Variants in CCDC190 observed in about 807,000 individuals in gnomAD.
CCDC190 encodes coiled-coil domain-containing protein 190.
CCDC190 carries 10 observed loss-of-function variants against 13.1 expected under a neutral mutation model. The ratio of observed to expected loss-of-function variants is 0.77; its 90% CI spans 0.47 to 1.30. The LOEUF (loss-of-function observed/expected upper bound fraction) is 1.30, where lower values mean the gene tolerates loss of function less well. Among genes scored for constraint, CCDC190 ranks in the 50% most tolerant of loss-of-function variants. The probability of loss-of-function intolerance (pLI) is 0.00; values close to 1 mark genes in which losing one functional copy is unlikely to be tolerated. For synonymous variants in CCDC190, 136 were observed against 127.2 expected (o/e 1.07, Z -0.47); for missense variants, 375 against 354.3 (o/e 1.06, Z -0.47).
At chr1:162,865,009 G>A (rs1004917550), upstream of CCDC190, among the ~76,000 whole-genome samples, 10 of 151,878 alleles carry the variant, frequency 6.6e-5, no homozygotes, top group South Asian at 6.2e-4. Flanking sequence ...GAAATAAACC[G>A]AAAACACTTT....
intron 2 of CCDC190, among the ~76,000 whole-genome samples, chr1:162,858,023 T>G (rs1042751617): frequency 6.6e-6 from 1 of 152,224 alleles, no homozygotes; most frequent in Non-Finnish European, 1.5e-5. Context: ...CACTGGCATA[T>G]CATTGAATCT....
Position 162,854,402 on chromosome 1 carries a change from G to A in CCDC190, c.*363C>T, listed in dbSNP as rs1650211599. On this transcript the variant is annotated 3_prime_UTR_variant, in exon 4 of 4. Transcript: ENST00000367912. ...ATATCAAACTAAAACAGAGAGAATA[G>A]CTATGCCGTTTTGCCAGCAGGTGGC... The A allele has an allele frequency of 9.6e-7, 1 of 1,042,598 alleles. No homozygotes were observed. Among genetic ancestry groups the A allele is most frequent in the South Asian group, 3.7e-5 (1 of 27,074 alleles). 64.6% of individuals were successfully genotyped at this position (1,042,598 alleles called of 1,614,324 possible).
At chr1:162,855,384 T>G in intron 3 of CCDC190, 25 bp from the exon 4 acceptor site, 1 of 1,567,860 alleles carries the variant, frequency 6.4e-7, no homozygotes, top group Non-Finnish European at 8.6e-7. Context: ...AAAAGAAAGA[T>G]CTCTGAAAAC....
Position 162,851,080 on chromosome 1 carries a change from G to A in CCDC190, c.*3685C>T, listed in dbSNP as rs1221348827. Among the ~76,000 whole-genome samples, 6 of 152,062 alleles carry A rather than the reference G, an allele frequency of 3.9e-5. No individual in the cohort carries two copies. The highest frequency in any genetic ancestry group is 1.3e-4 in the Admixed American group (2 of 15,264). ...ATTTAACTGCATTTAGGTTATTATT[G>A]TTTATGGTTCTCATCCAGTTTAAAG... On this transcript the variant is annotated 3_prime_UTR_variant, in exon 4 of 4. Coordinates refer to ENST00000367912, the MANE Select transcript of CCDC190 (RefSeq NM_001394065.1).
rs1214441808 is a variant in CCDC190 at position 162,853,139 on chromosome 1, C to T, written c.*1626G>A. The T allele has an allele frequency of 6.5e-7, 1 of 1,549,036 alleles. No individual in the cohort carries two copies. Among genetic ancestry groups the T allele is most frequent in the African/African-American group, 1.4e-5 (1 of 73,082 alleles). ...TCCTTTCACTATAAAGTATTGTCTC[C>T]CCATTGAAGGCCAGAGGCTGGGCTG... On this transcript the variant is annotated 3_prime_UTR_variant, in exon 4 of 4. Transcript: ENST00000367912.
At chr1:162,865,709 G>A (rs1329637941), upstream of CCDC190, among the ~76,000 whole-genome samples, 1 of 152,042 alleles carries the variant, frequency 6.6e-6, no homozygotes, top group Non-Finnish European at 1.5e-5. Context: ...ATCATTTCAC[G>A]AGATCCAATA....
chr1:162,854,639 G>A lies in CCDC190; in HGVS notation c.*126C>T. ...TTATATTCCCGGAAAATAATAGGGA[G>A]TTTAAAATAAAATTGTAATTCAATT... On this transcript the variant is annotated 3_prime_UTR_variant, in exon 4 of 4. Coordinates refer to ENST00000367912, the MANE Select transcript of CCDC190 (RefSeq NM_001394065.1). The A allele has an allele frequency of 2.1e-6, 3 of 1,416,088 alleles. No individual in the cohort carries two copies. Among genetic ancestry groups the A allele is most frequent in the Middle Eastern group, 2.2e-4 (1 of 4,480 alleles). 87.7% of individuals were successfully genotyped at this position (1,416,088 alleles called of 1,614,324 possible).
At chr1:162,855,384 T>C in intron 3 of CCDC190, 25 bp from the exon 4 acceptor site, 1 of 1,567,860 alleles carries the variant, frequency 6.4e-7, no homozygotes, top group Non-Finnish European at 8.6e-7. Flanking sequence ...AAAAGAAAGA[T>C]CTCTGAAAAC....
At position 162,853,250 on chromosome 1, in the gene CCDC190, A is replaced by G; in HGVS notation, c.*1515T>C. On this transcript the variant is annotated 3_prime_UTR_variant, in exon 4 of 4. Coordinates refer to ENST00000367912, the MANE Select transcript of CCDC190 (RefSeq NM_001394065.1). ...TGTAATGAAAGAGCATGAGCAAGGA[A>G]ATTGAGTAGAAGAGAGATCAAATGC... 9.9e-7 allele frequency: 1 copy of G among 1,011,340 alleles called. No individual in the cohort carries two copies. Among genetic ancestry groups the G allele is most frequent in the Non-Finnish European group, 1.4e-6 (1 of 705,964 alleles). 62.6% of individuals were successfully genotyped at this position (1,011,340 alleles called of 1,614,324 possible). A position where few individuals can be genotyped will look rare whatever the true frequency, so the allele number is the denominator to read the frequency against.
Position 162,854,997 on chromosome 1 carries a change from A to G in CCDC190, c.674T>C (p.Ile225Thr), listed in dbSNP as rs374822482. ...LKPDGNTGKQ[I>T]PPKHMECAGS... ...TGCACATTCCATGTGTTTTGGGGGA[A>G]TTTGTTTTCCAGTGTTCCCATCTGG... The change falls in exon 4 of 4, where the codon ATT becomes ACT. Residue 225 changes from isoleucine (I) to threonine (T), a missense_variant. Ile to Thr is a moderately conservative substitution (Grantham distance 89). Transcript: ENST00000367912. The G allele has an allele frequency of 6.2e-7, 1 of 1,613,964 alleles. No individual in the cohort carries two copies. The highest frequency in any genetic ancestry group is 8.5e-7 in the Non-Finnish European group (1 of 1,179,872).
At chr1:162,856,906 A>AT (rs1232086423) in intron 2 of CCDC190, among the ~76,000 whole-genome samples, 1 of 152,020 alleles carries the variant, frequency 6.6e-6, no homozygotes, top group Non-Finnish European at 1.5e-5. Context: ...AAATTGAGGG[A>AT]TTTTGAGCTA....
chr1:162,865,854 C>T (rs1384196449), upstream of CCDC190, among the ~76,000 whole-genome samples: 1 of 152,112 alleles, frequency 6.6e-6, no homozygotes, highest in Non-Finnish European at 1.5e-5. Context: ...GATATTTGCT[C>T]TTACCACTTC....
upstream of CCDC190, among the ~76,000 whole-genome samples, chr1:162,865,540 G>C (rs1650669844): frequency 6.6e-6 from 1 of 152,070 alleles, no homozygotes; most frequent in Non-Finnish European, 1.5e-5. Flanking sequence ...AGTGTATTCT[G>C]TTTCGTGTCG....
chr1:162,855,420 T>G, intron 3 of CCDC190, 61 bp from the exon 4 acceptor site: 1 of 1,519,772 alleles, frequency 6.6e-7, no homozygotes, highest in Non-Finnish European at 8.8e-7. Context: ...TCTTTAGACC[T>G]TTCAACTTAT....
rs772401179 is a variant in CCDC190, at chr1:162,855,018, T to C, written c.653A>G (p.Asp218Gly). 2.8e-5 allele frequency: 46 copies of C among 1,614,058 alleles called. No individual in the cohort carries two copies. The highest frequency in any genetic ancestry group is 1.1e-4 in the South Asian group (10 of 91,088). The change falls in exon 4 of 4, where the codon GAT (aspartate) becomes GGT (glycine). Residue 218 changes from aspartate (D) to glycine (G), a missense_variant. Asp to Gly is a moderately conservative substitution (Grantham distance 94). Transcript: ENST00000367912. ...TRSKDVALKPDGNTGKQIPPK... is the reference protein window; with the variant it reads ...TRSKDVALKPGGNTGKQIPPK... ...GGGAATTTGTTTTCCAGTGTTCCCA[T>C]CTGGCTTTAGAGCAACATCTTTTGA...
chr1:162,863,636 C>T (rs767022291), upstream of CCDC190, among the ~76,000 whole-genome samples: 8 of 152,074 alleles, frequency 5.3e-5, no homozygotes, highest in Admixed American at 2.6e-4. Context: ...AATTGAGCAA[C>T]GAGGCAGGGG....
At chr1:162,857,981 G>A (rs1650362979) in intron 2 of CCDC190, among the ~76,000 whole-genome samples, 1 of 152,144 alleles carries the variant, frequency 6.6e-6, no homozygotes, top group Non-Finnish European at 1.5e-5. Context: ...CTGACTCAAA[G>A]GACTGGCAAC....
At position 162,855,178 on chromosome 1, in the gene CCDC190, A is replaced by T. The variant is rs758931296; in HGVS notation, c.493T>A (p.Ser165Thr). The T allele has an allele frequency of 1.2e-6, 2 of 1,613,918 alleles. No homozygotes were observed. Among genetic ancestry groups the T allele is most frequent in the Non-Finnish European group, 1.7e-6 (2 of 1,179,854 alleles). Residue 165 changes from serine to threonine, a missense_variant, in exon 4 of 4, where the codon TCT (serine) becomes ACT (threonine). Transcript: ENST00000367912. ...CCCTTGCTGGGGTCTACGTCCTTAG[A>T]TGGATTCACAGAATCTTTCTCTTGG... ...QAQEKDSVNP[S>T]KDVDPSKGIS...
chr1:162,863,241 C>T (rs983885682), upstream of CCDC190, among the ~76,000 whole-genome samples: 4 of 151,104 alleles, frequency 2.6e-5, no homozygotes, highest in African/African-American at 2.5e-5. Flanking sequence ...GTAGTCAAAA[C>T]ACATCTGGAA....
Sources: gnomAD v4.1 joint callset for allele counts (sites outside exome capture counted in the v4.1 genomes callset) on GRCh38, gnomAD v4.1.1 for gene constraint, MANE v1.5 for transcripts, NCBI Gene and HGNC (gene_info 2026-07-23, HGNC 2026-07-21) for gene names.